Variants in ESRRB observed in about 807,000 individuals in gnomAD.
ESRRB encodes the protein estrogen related receptor beta, also known as steroid hormone receptor ERR2.
A neutral mutation model predicts 46.0 loss-of-function variants in ESRRB; 16 were observed. The ratio of observed to expected loss-of-function variants is 0.35; its 90% CI spans 0.24 to 0.53. The LOEUF (loss-of-function observed/expected upper bound fraction) is 0.53, where lower values mean the gene tolerates loss of function less well. Among genes scored for constraint, ESRRB ranks in the 20% least tolerant of loss-of-function variants. ESRRB has a pLI of 0.93. For missense variants in ESRRB, 488 were observed against 607.4 expected, an observed-to-expected ratio of 0.80 and a Z score of 2.07; for synonymous variants, 246 against 259.6, an observed-to-expected ratio of 0.95 and a Z score of 0.50.
intron 1 of ESRRB, among the ~76,000 whole-genome samples, chr14:76,416,993 C>T (rs185757475): frequency 7.2e-5 from 11 of 152,126 alleles, no homozygotes; most frequent in East Asian, 1.9e-4. Flanking sequence ...TGAAATTAGC[C>T]GGGCATGGTG....
In ESRRB at chr14:76,491,452, T is replaced by A. The variant is rs1890222740; in HGVS notation, c.856T>A (p.Ser286Thr). 6.2e-7 allele frequency: 1 copy of A among 1,606,856 alleles called. No individual in the cohort carries two copies. The highest frequency in any genetic ancestry group is 2.2e-5 in the East Asian group (1 of 44,600). ...IGWAKHIPGF[S>T]SLSLGDQMSL... ...TGTGCCCCCTCTTCCTGCAGGCTTCTCAAGCCTCTCCCTGGGGGACCAGAT... is the reference window on the plus strand; with the variant it reads ...TGTGCCCCCTCTTCCTGCAGGCTTCACAAGCCTCTCCCTGGGGGACCAGAT... The change falls in exon 6 of 7, where the codon TCA becomes ACA. Residue 286 changes from serine to threonine, a missense_variant. Physicochemically the swap from Ser to Thr is moderately conservative, Grantham distance 58. Coordinates refer to ENST00000644823, the MANE Select transcript of ESRRB (RefSeq NM_001379180.1).
intron 1 of ESRRB, among the ~76,000 whole-genome samples, chr14:76,436,193 G>A (rs918697868): frequency 6.6e-6 from 1 of 152,208 alleles, no homozygotes; most frequent in African/African-American, 2.4e-5. Context: ...GCCTGCTCTG[G>A]TGTCCTTCAG....
exon 1 of ESRRB, chr14:76,310,915 A>T (rs1166117259): frequency 6.6e-6 from 3 of 451,960 alleles, no homozygotes; most frequent in Non-Finnish European, 1.3e-5. Flanking sequence ...AGCCCCAAGC[A>T]TGTGAGTAAC....
upstream of ESRRB, among the ~76,000 whole-genome samples, chr14:76,373,746 C>A (rs952323703): frequency 6.6e-5 from 10 of 152,176 alleles, no homozygotes; most frequent in African/African-American, 2.2e-4. Flanking sequence ...AGGCCTAGGT[C>A]TCTAGGAGTT....
intron 1 of ESRRB, among the ~76,000 whole-genome samples, chr14:76,319,349 C>T (rs1347818695): frequency 6.6e-6 from 1 of 152,108 alleles, no homozygotes; most frequent in Non-Finnish European, 1.5e-5. Context: ...CTGAGGGGTG[C>T]CATTTGTATA....
At chr14:76,351,890 C>T (rs111368390) in intron 1 of ESRRB, among the ~76,000 whole-genome samples, 191 of 144,964 alleles carry the variant, frequency 1.3e-3, no homozygotes, top group African/African-American at 3.4e-3. Flanking sequence ...GTGGCTGAGG[C>T]GGGAGGATCA....
chr14:76,409,526 T>G (rs1020746617), intron 1 of ESRRB, among the ~76,000 whole-genome samples: 4 of 147,958 alleles, frequency 2.7e-5, no homozygotes, highest in African/African-American at 7.5e-5. Context: ...AGACTTGGTT[T>G]AAAGATCTCA....
chr14:76,498,793 G>C lies in ESRRB; in HGVS notation c.*335G>C, dbSNP rs141650196. 1 of 609,740 alleles carries C rather than the reference G, an allele frequency of 1.6e-6. No homozygotes were observed. Among genetic ancestry groups the C allele is most frequent in the Admixed American group, 1.9e-5 (1 of 52,816 alleles). The allele number at this position is 609,740 out of a possible 1,614,324, so 37.8% of individuals were successfully genotyped here. A position where few individuals can be genotyped will look rare whatever the true frequency, so the allele number is the denominator to read the frequency against. ...GAGCAAGTGCCCTCTCCCCTCCACC[G>C]AGCCACCAAGAGGCAGCATGTGCAT... On this transcript the variant is annotated 3_prime_UTR_variant, in exon 7 of 7. Transcript: ENST00000644823.
intron 1 of ESRRB, among the ~76,000 whole-genome samples, chr14:76,358,327 GAAAGAAAGAAA>G (rs1884413383): frequency 8.9e-5 from 1 of 11,226 alleles, no homozygotes; most frequent in Non-Finnish European, 1.4e-4. Context: ...AAAAAAAAAA[GAAAGAAAGAAA>G]GAAAGAAAGA....
chr14:76,470,659 A>G (rs1447037347), intron 3 of ESRRB, among the ~76,000 whole-genome samples: 1 of 152,178 alleles, frequency 6.6e-6, no homozygotes, highest in Non-Finnish European at 1.5e-5. Flanking sequence ...TTTCAAATAC[A>G]AGTATTGTTT....
chr14:76,457,324 C>T (rs1888654817), intron 2 of ESRRB, among the ~76,000 whole-genome samples: 1 of 152,184 alleles, frequency 6.6e-6, no homozygotes, highest in South Asian at 2.1e-4. Flanking sequence ...GATCCAACAC[C>T]TAGAAAAGAC....
chr14:76,384,385 G>C (rs1252237950), intron 1 of ESRRB, among the ~76,000 whole-genome samples: 1 of 152,130 alleles, frequency 6.6e-6, no homozygotes, highest in African/African-American at 2.4e-5. Flanking sequence ...CATAGTAGCT[G>C]GATGAGGGTG....
chr14:76,497,146 A>C (rs533129452), intron 6 of ESRRB, among the ~76,000 whole-genome samples: 183 of 152,224 alleles, frequency 1.2e-3, no homozygotes, highest in Non-Finnish European at 1.4e-3. Context: ...CACACTCTGT[A>C]AGTGGCCGAG....
chr14:76,500,431 G>T lies in ESRRB; in HGVS notation c.*1973G>T. 6.8e-6 allele frequency: 4 copies of T among 590,000 alleles called. No homozygotes were observed. Among genetic ancestry groups the T allele is most frequent in the Non-Finnish European group, 1.2e-5 (4 of 332,430 alleles). 36.5% of individuals were successfully genotyped at this position (590,000 alleles called of 1,614,324 possible). A position where few individuals can be genotyped will look rare whatever the true frequency, so the allele number is the denominator to read the frequency against. ...GTGGAGGCACACATTTGGGGCAAAG[G>T]CCCCTTCTTGGCATCAAGGAACACC... On this transcript the variant is annotated 3_prime_UTR_variant, in exon 7 of 7. Transcript: ENST00000644823.
intron 1 of ESRRB, among the ~76,000 whole-genome samples, chr14:76,410,765 T>C (rs1203969103): frequency 6.6e-6 from 1 of 152,068 alleles, no homozygotes. Flanking sequence ...CTTCTCCAAC[T>C]CTTTTCTTCT....
rs1182747799 is a variant in ESRRB at position 76,482,824 on chromosome 14, C to G, written c.850+65C>G. On this transcript the variant is annotated intron_variant, in intron 5 of 6. Coordinates refer to ENST00000644823, the MANE Select transcript of ESRRB (RefSeq NM_001379180.1). The surrounding 1 kb of genome is among the most constrained non-coding windows in gnomAD (Gnocchi z 4.3). ...CTCAGCCGGTATCTCCGCAGCCTAC[C>G]CAATGGCTGTGCTTCTGATGCCCGG... The G allele has an allele frequency of 6.3e-7, 1 of 1,582,250 alleles. No homozygotes were observed. Among genetic ancestry groups the G allele is most frequent in the Non-Finnish European group, 8.7e-7 (1 of 1,155,482 alleles).
chr14:76,436,790 G>C (rs1215972915), intron 1 of ESRRB, among the ~76,000 whole-genome samples: 4 of 152,162 alleles, frequency 2.6e-5, no homozygotes, highest in Non-Finnish European at 4.4e-5. Context: ...TTCTCAACCA[G>C]GGGACTGGGG....
chr14:76,425,789 C>T (rs1185737260), intron 1 of ESRRB, among the ~76,000 whole-genome samples: 1 of 152,004 alleles, frequency 6.6e-6, no homozygotes, highest in East Asian at 1.9e-4. Context: ...GCAACCTCCG[C>T]CTCAGCTCAC....
At chr14:76,317,629 T>C (rs780185686) in intron 1 of ESRRB, among the ~76,000 whole-genome samples, 7 of 152,180 alleles carry the variant, frequency 4.6e-5, no homozygotes, top group Non-Finnish European at 7.3e-5. Flanking sequence ...AGAGGCCCAG[T>C]GTTGGAGACC....
Sources: gnomAD v4.1 joint callset for allele counts (sites outside exome capture counted in the v4.1 genomes callset) on GRCh38, gnomAD v4.1.1 for gene constraint, Gnocchi (gnomAD v3.1) non-coding constraint, MANE v1.5 for transcripts, NCBI Gene and HGNC (gene_info 2026-07-23, HGNC 2026-07-21) for gene names.